Variants in UBR3 observed in about 807,000 individuals in gnomAD.
UBR3 encodes E3 ubiquitin-protein ligase UBR3.
A neutral mutation model predicts 243.2 loss-of-function variants in UBR3; 85 were observed. That is an observed-to-expected ratio of 0.35 (90% CI 0.29 to 0.42). The LOEUF (loss-of-function observed/expected upper bound fraction) is 0.42. Ranked by LOEUF, UBR3 falls within the 10% of genes least tolerant of loss-of-function variation. The probability of loss-of-function intolerance (pLI) is 1.00; values close to 1 mark genes in which losing one functional copy is unlikely to be tolerated. For missense variants in UBR3, 1,686 were observed against 2,300.8 expected, an observed-to-expected ratio of 0.73 and a Z score of 5.47; for synonymous variants, 748 against 799.8, an observed-to-expected ratio of 0.94 and a Z score of 1.09.
At chr2:170,034,826 T>G (rs959870551) in intron 31 of UBR3, among the ~76,000 whole-genome samples, 3 of 151,988 alleles carry the variant, frequency 2.0e-5, no homozygotes, top group African/African-American at 7.2e-5. Context: ...CACATCTTTG[T>G]CAACATTTGG....
chr2:169,921,400 CAG>C (rs2085691782), intron 11 of UBR3, among the ~76,000 whole-genome samples: 1 of 151,974 alleles, frequency 6.6e-6, no homozygotes, highest in Non-Finnish European at 1.5e-5. Flanking sequence ...CAAGGACTCT[CAG>C]TATATATAGG....
At chr2:169,981,418 C>T (rs567563566) in intron 24 of UBR3, among the ~76,000 whole-genome samples, 5 of 152,108 alleles carry the variant, frequency 3.3e-5, no homozygotes, top group African/African-American at 9.6e-5. Flanking sequence ...AAATCGATAA[C>T]CTTAGACTAA....
intron 35 of UBR3, among the ~76,000 whole-genome samples, chr2:170,064,803 A>ATTTTTTTTTTTTTTTTTTTTGTTTTTTTT (rs2091521720): frequency 1.1e-5 from 1 of 87,878 alleles, no homozygotes. Flanking sequence ...TGCTTTTTCT[A>ATTTTTTTTTTTTTTTTTTTTGTTTTTTTT]TTTTTTTTTT....
At chr2:170,004,803 C>T (rs528254106) in intron 27 of UBR3, among the ~76,000 whole-genome samples, 7 of 152,096 alleles carry the variant, frequency 4.6e-5, no homozygotes, top group African/African-American at 1.4e-4. Context: ...CCCACCTACT[C>T]GGGAGGCTGA....
chr2:169,857,136 C>T (rs1270054875), intron 1 of UBR3, among the ~76,000 whole-genome samples: 3 of 115,132 alleles, frequency 2.6e-5, no homozygotes, highest in Admixed American at 1.3e-4. Context: ...TGCAGTGGTG[C>T]GATCTAGGCT....
At chr2:169,954,499 C>T (rs1309783005) in intron 23 of UBR3, among the ~76,000 whole-genome samples, 3 of 151,920 alleles carry the variant, frequency 2.0e-5, no homozygotes, top group Non-Finnish European at 2.9e-5. Flanking sequence ...CGCCTCAGCC[C>T]CACAAAGTGG....
intron 23 of UBR3, among the ~76,000 whole-genome samples, chr2:169,951,050 A>G (rs1294751413): frequency 2.6e-5 from 4 of 152,186 alleles, no homozygotes; most frequent in Non-Finnish European, 1.5e-5. Context: ...TTTAAGACAA[A>G]TTTGTCTACC....
chr2:170,061,549 C>T (rs2091457257), intron 35 of UBR3, 106 bp downstream of exon 35: 2 of 1,368,378 alleles, frequency 1.5e-6, no homozygotes, highest in Admixed American at 4.2e-5. Flanking sequence ...CTTACTGCAA[C>T]CTCCGCCTGC....
chr2:170,080,564 C>T lies in UBR3; in HGVS notation c.5429C>T (p.Ala1810Val). Residue 1810 changes from alanine (A) to valine (V), a missense_variant, in exon 38 of 39, where the codon GCA becomes GTA. Physicochemically the swap from Ala to Val is moderately conservative, Grantham distance 64 (BLOSUM62 0). Coordinates refer to ENST00000272793, the MANE Select transcript of UBR3 (RefSeq NM_172070.4). ...TTTTAGCACTCTCAGAACTGTGGTG[C>T]AGGAACAGGTATTTTCCTTTTGATC... ...ECVLHSQNCGAGTGIFLLINA... is the reference protein window; with the variant it reads ...ECVLHSQNCGVGTGIFLLINA... 2 of 1,613,204 alleles carry T rather than the reference C, an allele frequency of 1.2e-6. No homozygotes were observed. Among genetic ancestry groups the T allele is most frequent in the Non-Finnish European group, 1.7e-6 (2 of 1,179,566 alleles).
chr2:170,040,844 A>G (rs2090950325), intron 31 of UBR3, 38 bp from the exon 32 acceptor site: 2 of 1,459,898 alleles, frequency 1.4e-6, no homozygotes, highest in African/African-American at 1.4e-5. Flanking sequence ...AAGAGAAGAT[A>G]TACAATACTA....
At chr2:169,876,500 G>A (rs2083615571) in intron 3 of UBR3, among the ~76,000 whole-genome samples, 1 of 148,020 alleles carries the variant, frequency 6.8e-6, no homozygotes, top group African/African-American at 2.5e-5. Context: ...CTAACTTTTG[G>A]TGTGACATGA....
At chr2:169,895,158 T>G in intron 6 of UBR3, 23 bp from the exon 7 acceptor site, 2 of 1,486,880 alleles carry the variant, frequency 1.3e-6, no homozygotes, top group Non-Finnish European at 1.8e-6. Flanking sequence ...CATTAACTGA[T>G]AAATTTCATT....
chr2:169,921,007 G>T lies in UBR3; in HGVS notation c.1867-2922G>T, dbSNP rs1261137501. ...TGAGGGCCTGAGCTAAGGTTAGTTA[G>T]GTGCAGTGTAGACAGAAAGAAGAAA... On this transcript the variant is annotated intron_variant, in intron 11 of 38. Coordinates refer to ENST00000272793, the MANE Select transcript of UBR3 (RefSeq NM_172070.4). Among the ~76,000 whole-genome samples the T allele has an allele frequency of 2.0e-5, 3 of 152,126 alleles. No homozygotes were observed. The East Asian group carries it at 5.8e-4, about 29-fold the overall frequency.
At chr2:169,921,305 T>G (rs917400927) in intron 11 of UBR3, among the ~76,000 whole-genome samples, 1 of 152,164 alleles carries the variant, frequency 6.6e-6, no homozygotes, top group Non-Finnish European at 1.5e-5. Flanking sequence ...CACTGAGATT[T>G]GGAACTCATC....
intron 3 of UBR3, among the ~76,000 whole-genome samples, chr2:169,877,140 T>G (rs2083649884): frequency 6.6e-6 from 1 of 152,238 alleles, no homozygotes. Flanking sequence ...TGAATTCCGC[T>G]ACATAATTAT....
intron 18 of UBR3, among the ~76,000 whole-genome samples, chr2:169,930,397 T>C (rs2086076253): frequency 1.3e-5 from 2 of 152,046 alleles, no homozygotes; most frequent in Non-Finnish European, 2.9e-5. Context: ...TTTTTTGTTA[T>C]TTTTTTGGAG....
At chr2:170,066,993 T>TAACAATAATAATAATAATAATAATAAA (rs71006067) in intron 35 of UBR3, among the ~76,000 whole-genome samples, 2 of 144,228 alleles carry the variant, frequency 1.4e-5, no homozygotes, top group African/African-American at 5.1e-5. Context: ...ATAATAATAA[T>TAACAATAATAATAATAATAATAATAAA]AAACTTCATT....
intron 19 of UBR3, among the ~76,000 whole-genome samples, chr2:169,941,143 A>G (rs1421684553): frequency 2.0e-5 from 3 of 152,102 alleles, no homozygotes; most frequent in African/African-American, 4.8e-5. Flanking sequence ...GCTTACCATC[A>G]TTCACTTCAC....
At chr2:170,035,963 A>G (rs1207596795) in intron 31 of UBR3, among the ~76,000 whole-genome samples, 2 of 148,946 alleles carry the variant, frequency 1.3e-5, no homozygotes, top group East Asian at 2.0e-4. Flanking sequence ...TCAAATTCCA[A>G]TTGTTCCTTG....
Sources: allele counts gnomAD v4.1 joint callset (sites outside exome capture counted in the v4.1 genomes callset), GRCh38; gene constraint gnomAD v4.1.1; transcripts MANE v1.5; gene names NCBI Gene and HGNC (gene_info 2026-07-23, HGNC 2026-07-21).